Variants in TSPAN10 observed in about 807,000 individuals in gnomAD.
The protein encoded by TSPAN10 is tetraspanin 10, also known as tetraspanin-10.
In TSPAN10, 11 loss-of-function variants were observed where a neutral mutation model predicts 15.0. The observed-to-expected ratio is 0.73, with a 90% CI of 0.46 to 1.21. The LOEUF is 1.21. Ranked by LOEUF, TSPAN10 falls within the 50% of genes most tolerant of loss-of-function variation. The pLI, the probability that TSPAN10 is intolerant of heterozygous loss-of-function variation, is 0.00. For synonymous variants in TSPAN10, 241 were observed against 226.2 expected, an observed-to-expected ratio of 1.07 and a Z score of -0.59; for missense variants, 486 against 470.6, an observed-to-expected ratio of 1.03 and a Z score of -0.30.
chr17:81,642,587 G>A lies in TSPAN10; in HGVS notation c.36+139G>A. On this transcript the variant is annotated intron_variant, in intron 1 of 2. Coordinates refer to ENST00000611590, the Ensembl canonical transcript of TSPAN10. ...CACCTCAATGCTGAGATTGGGTTGA[G>A]GGGGGTGGTTCTAGGCAGCCCCCTC... The A allele has an allele frequency of 3.4e-6, 3 of 870,148 alleles. No individual in the cohort carries two copies. In the South Asian group the frequency reaches 5.2e-5, roughly 15 times the overall value. The allele number at this position is 870,148 out of a possible 1,614,324, so 53.9% of individuals were successfully genotyped here.
chr17:81,642,308 C>A, upstream of TSPAN10: 1 of 1,382,902 alleles, frequency 7.2e-7, no homozygotes, highest in Non-Finnish European at 1.0e-6. Context: ...TGTTCACAGA[C>A]TAGCCCAGGG....
At chr17:81,640,336 C>T (rs1242805066), upstream of TSPAN10, among the ~76,000 whole-genome samples, 2 of 150,280 alleles carry the variant, frequency 1.3e-5, no homozygotes, top group Non-Finnish European at 3.0e-5. Flanking sequence ...CACCTTCTCC[C>T]CGAGACCTCA....
At chr17:81,637,333 A>G in exon 1 of TSPAN10, 1 of 665,704 alleles carries the variant, frequency 1.5e-6, no homozygotes, top group Non-Finnish European at 2.7e-6. Flanking sequence ...GTCTCACCCA[A>G]AAATAACTAC....
upstream of TSPAN10, chr17:81,638,286 A>AGTTTTTT (rs1453186026): frequency 6.6e-6 from 1 of 150,470 alleles, no homozygotes; most frequent in Non-Finnish European, 1.5e-5. Context: ...CAGGGATCAG[A>AGTTTTTT]GTTTTTTGTT....
At chr17:81,645,572 T>A (rs1014279819) in exon 2 of TSPAN10, 1 of 1,612,388 alleles carries the variant, frequency 6.2e-7, no homozygotes. Flanking sequence ...CTCGACCAAG[T>A]CCAGCTCGGG....
upstream of TSPAN10, among the ~76,000 whole-genome samples, chr17:81,641,551 C>T (rs544269200): frequency 1.3e-5 from 2 of 152,200 alleles, no homozygotes; most frequent in South Asian, 4.2e-4. Flanking sequence ...CGCCTGAAAC[C>T]CTCTGCCTGC....
intron 2 of TSPAN10, chr17:81,647,638 A>C (rs1568181111): frequency 3.0e-6 from 2 of 657,944 alleles, no homozygotes; most frequent in Admixed American, 4.3e-5. Context: ...GTCTCACTAA[A>C]TATCCTCCTG....
In TSPAN10 at chr17:81,637,368, A is replaced by G. The variant is rs545817682; in HGVS notation, c.-31A>G. On this transcript the variant is annotated 5_prime_UTR_variant, in exon 1 of 4. Coordinates refer to the TSPAN10 transcript ENST00000574882. ...CTGCTGCGTATTATAGCGTATTATA[A>G]TTGGGGAAACAGCATTCCAAACTTC... The G allele has an allele frequency of 6.3e-4, 439 of 699,724 alleles. 6 individuals are homozygous for G. In the African/African-American group the frequency reaches 7.0e-3, roughly 11 times the overall value. 43.3% of individuals were successfully genotyped at this position (699,724 alleles called of 1,614,324 possible).
chr17:81,647,971 G>A (rs1180648556), exon 3 of TSPAN10: 2 of 1,611,196 alleles, frequency 1.2e-6, no homozygotes, highest in African/African-American at 1.3e-5. Flanking sequence ...CGACCCCCGC[G>A]AAGATGGAGC....
chr17:81,647,239 G>A lies in TSPAN10; in HGVS notation c.675-662G>A, dbSNP rs537988492. On this transcript the variant is annotated intron_variant, in intron 2 of 2. Coordinates refer to ENST00000611590, the Ensembl canonical transcript of TSPAN10. ...GTGTCGTGATGCCACGTCTGCTGCTGGCCTCGTCCCCATCCCCTGCCTAAG... is the reference window on the plus strand; with the variant it reads ...GTGTCGTGATGCCACGTCTGCTGCTAGCCTCGTCCCCATCCCCTGCCTAAG... Among the ~76,000 whole-genome samples the A allele has an allele frequency of 2.0e-5, 3 of 152,242 alleles. No homozygotes were observed. In the South Asian group the frequency reaches 6.2e-4, roughly 32 times the overall value.
At chr17:81,641,627 T>A (rs35446814), upstream of TSPAN10, among the ~76,000 whole-genome samples, 76,056 of 151,436 alleles carry the variant, frequency 0.5, 20,917 homozygotes, top group East Asian at 0.99. Context: ...TGAGTGTTGG[T>A]GGCTGAGTCC....
In TSPAN10 at chr17:81,647,906, T is replaced by TTACC. The variant is rs2036276601; in HGVS notation, c.682_683insCCTA (p.Asn228ThrfsTer2). On this transcript the variant is annotated frameshift_variant, in exon 3 of 3. Coordinates refer to ENST00000611590, the Ensembl canonical transcript of TSPAN10. LOFTEE classifies it low-confidence loss of function (END_TRUNC). ...CGATTCCATGCGCCTTGCAGGTACT[T>TTACC]TAACTGCAGCTCCCCCGGGGTGCAG... 4 of 1,600,354 alleles carry TTACC rather than the reference T, an allele frequency of 2.5e-6. No homozygotes were observed.
At chr17:81,643,700 T>G (rs2036204443) in intron 1 of TSPAN10, among the ~76,000 whole-genome samples, 1 of 151,944 alleles carries the variant, frequency 6.6e-6, no homozygotes, top group Non-Finnish European at 1.5e-5. Context: ...GAAGGATGGC[T>G]TGAGCCCAGG....
intron 1 of TSPAN10, among the ~76,000 whole-genome samples, chr17:81,644,467 G>A (rs1043219928): frequency 6.6e-6 from 1 of 152,238 alleles, no homozygotes; most frequent in African/African-American, 2.4e-5. Context: ...TTTCAGAGGG[G>A]AAAGAAAAGG....
chr17:81,641,851 T>C (rs2036180943), upstream of TSPAN10, among the ~76,000 whole-genome samples: 1 of 150,928 alleles, frequency 6.6e-6, no homozygotes, highest in African/African-American at 2.4e-5. Flanking sequence ...CACTCCAGCC[T>C]GGGCAACAAG....
intron 2 of TSPAN10, chr17:81,645,914 A>C: frequency 3.1e-5 from 17 of 557,270 alleles, no homozygotes; most frequent in Admixed American, 9.6e-5. Flanking sequence ...ACACTCAAAC[A>C]TGTTCATACA....
At chr17:81,645,845 A>G (rs2036245692) in intron 2 of TSPAN10, 1 of 645,024 alleles carries the variant, frequency 1.6e-6, no homozygotes, top group Non-Finnish European at 2.7e-6. Context: ...ACTCCTCTAC[A>G]CTGACATGAA....
chr17:81,644,858 C>T, intron 1 of TSPAN10, 134 bp from the exon 3 acceptor site: 1 of 1,282,652 alleles, frequency 7.8e-7, no homozygotes, highest in Non-Finnish European at 1.1e-6. Flanking sequence ...TCTCTGAGCT[C>T]CAGTGCTGCC....
At chr17:81,637,451 GTTT>G, upstream of TSPAN10, 1 of 631,572 alleles carries the variant, frequency 1.6e-6, no homozygotes, top group Non-Finnish European at 2.9e-6. Context: ...ACACCTTCAT[GTTT>G]TTTTTTTTAA....
Sources: allele counts gnomAD v4.1 joint callset (sites outside exome capture counted in the v4.1 genomes callset), GRCh38; gene constraint gnomAD v4.1.1; transcripts MANE v1.5; gene names NCBI Gene and HGNC (gene_info 2026-07-23, HGNC 2026-07-21).